The following TMEM132D variants were observed in gnomAD, a reference collection of about 807,000 sequenced individuals.
TMEM132D encodes the protein transmembrane protein 132D.
Under a neutral mutation model 62.3 loss-of-function variants are expected in TMEM132D, and 21 were observed. The ratio of observed to expected loss-of-function variants is 0.34; its 90% CI spans 0.24 to 0.49. The LOEUF (loss-of-function observed/expected upper bound fraction) is 0.49, where lower values mean the gene tolerates loss of function less well. TMEM132D is among the 20% of genes least tolerant of loss of function. TMEM132D has a pLI of 0.99. For missense variants in TMEM132D, 1,346 were observed against 1,402.8 expected, an observed-to-expected ratio of 0.96 and a Z score of 0.65; for synonymous variants, 621 against 575.6, an observed-to-expected ratio of 1.08 and a Z score of -1.13.
At chr12:129,137,700 C>A (rs940035496) in intron 5 of TMEM132D, among the ~76,000 whole-genome samples, 2 of 152,134 alleles carry the variant, frequency 1.3e-5, no homozygotes, top group African/African-American at 4.8e-5. Flanking sequence ...CTGCTTCATT[C>A]TTCATCCTTG....
intron 2 of TMEM132D, among the ~76,000 whole-genome samples, chr12:129,682,402 C>A (rs1451904): frequency 0.34 from 51,692 of 151,912 alleles, 9,167 homozygotes; most frequent in East Asian, 0.56. Flanking sequence ...GAAAGTGTCA[C>A]GACAGGTGCC....
chr12:129,420,873 G>A (rs1872299010), intron 3 of TMEM132D, among the ~76,000 whole-genome samples: 1 of 151,788 alleles, frequency 6.6e-6, no homozygotes, highest in Admixed American at 6.6e-5. Context: ...TAGGTATGGA[G>A]TTTGATGTGG....
At chr12:129,492,862 T>C (rs1184653475) in intron 3 of TMEM132D, among the ~76,000 whole-genome samples, 3 of 152,120 alleles carry the variant, frequency 2.0e-5, no homozygotes, top group Non-Finnish European at 4.4e-5. Flanking sequence ...GGGAGAGGCA[T>C]GTGATCCAAG....
At chr12:129,393,278 A>G (rs1255284175) in intron 3 of TMEM132D, among the ~76,000 whole-genome samples, 1 of 152,218 alleles carries the variant, frequency 6.6e-6, no homozygotes, top group Non-Finnish European at 1.5e-5. Context: ...CATTGGTTGA[A>G]TGAGTGAGTG....
intron 1 of TMEM132D, among the ~76,000 whole-genome samples, chr12:129,796,878 GATA>G (rs1256819406): frequency 2.0e-5 from 3 of 152,152 alleles, no homozygotes; most frequent in African/African-American, 7.2e-5. Flanking sequence ...TAAAGTCTAA[GATA>G]ATAAATAAAT....
chr12:129,768,667 TG>T (rs1467453288), intron 1 of TMEM132D, among the ~76,000 whole-genome samples: 2 of 152,192 alleles, frequency 1.3e-5, no homozygotes, highest in South Asian at 4.2e-4. Flanking sequence ...ACATGAAAGA[TG>T]GTAGAGGCGA....
chr12:129,141,015 A>G (rs952010915), intron 5 of TMEM132D, among the ~76,000 whole-genome samples: 1 of 152,178 alleles, frequency 6.6e-6, no homozygotes, highest in Non-Finnish European at 1.5e-5. Context: ...GAATAATATT[A>G]AAGGCCCTGC....
At chr12:129,706,557 C>G (rs1372211745) in intron 1 of TMEM132D, among the ~76,000 whole-genome samples, 3 of 151,780 alleles carry the variant, frequency 2.0e-5, no homozygotes. Context: ...TGTTACATAC[C>G]TCCTTTTCCG....
In TMEM132D at chr12:129,700,077, C is replaced by T. The variant is rs894525700; in HGVS notation, c.701G>A (p.Gly234Asp). 2 of 1,613,692 alleles carry T rather than the reference C, an allele frequency of 1.2e-6. No individual in the cohort carries two copies. Among genetic ancestry groups the T allele is most frequent in the Non-Finnish European group, 1.7e-6 (2 of 1,180,024 alleles). ...TTCCCTGACGCAGTCCCCTCTCTCA[C>T]CCCCTGGGTGCACGGTGTAGTAGAG... ...VELYYTVHPGGERGDCVREDA... is the reference protein window; with the variant it reads ...VELYYTVHPGDERGDCVREDA... Residue 234 changes from glycine (G) to aspartate (D), a missense_variant, in exon 2 of 9, where the codon GGT becomes GAT. By Grantham distance (94) the Gly-to-Asp change is moderately conservative. Transcript: ENST00000422113.
Position 129,159,194 on chromosome 12 carries a change from G to T in TMEM132D, c.1443+50326C>A, listed in dbSNP as rs1877328719. On this transcript the variant is annotated intron_variant, in intron 5 of 8. Transcript: ENST00000422113. ...GTTTTAACAGCAAGTATTTGGTTCTGTTACCCTGGGAAGTGGAGTTTTAAT... is the reference window on the plus strand; with the variant it reads ...GTTTTAACAGCAAGTATTTGGTTCTTTTACCCTGGGAAGTGGAGTTTTAAT... Among the ~76,000 whole-genome samples, 3 of 152,152 alleles carry T rather than the reference G, an allele frequency of 2.0e-5. No individual in the cohort carries two copies. The South Asian group carries it at 6.2e-4, about 32-fold the overall frequency.
chr12:129,236,136 A>T (rs80130447), intron 4 of TMEM132D, among the ~76,000 whole-genome samples: 1 of 78,386 alleles, frequency 1.3e-5, no homozygotes, highest in Non-Finnish European at 2.9e-5. Flanking sequence ...GTGTGTGTGT[A>T]TGTGTGTATG....
chr12:129,645,409 C>T (rs539153497), intron 2 of TMEM132D, among the ~76,000 whole-genome samples: 40 of 152,230 alleles, frequency 2.6e-4, no homozygotes, highest in African/African-American at 7.2e-4. Flanking sequence ...ACTTACTGTT[C>T]GCTTGAGTCT....
intron 1 of TMEM132D, among the ~76,000 whole-genome samples, chr12:129,748,736 T>C (rs575594818): frequency 2.0e-5 from 3 of 152,182 alleles, no homozygotes; most frequent in African/African-American, 7.2e-5. Context: ...GCTGCAGATA[T>C]GTGTGATTTG....
chr12:129,624,565 C>T (rs889533113), intron 2 of TMEM132D, among the ~76,000 whole-genome samples: 1 of 152,250 alleles, frequency 6.6e-6, no homozygotes, highest in Non-Finnish European at 1.5e-5. Context: ...CAGTGGCATC[C>T]AGTGAAGACT....
chr12:129,324,984 C>G (rs1344254539), intron 4 of TMEM132D, among the ~76,000 whole-genome samples: 1 of 152,190 alleles, frequency 6.6e-6, no homozygotes, highest in African/African-American at 2.4e-5. Context: ...CTTCCACACT[C>G]ATTACAATTT....
chr12:129,781,866 A>G (rs567925075), intron 1 of TMEM132D, among the ~76,000 whole-genome samples: 2 of 152,334 alleles, frequency 1.3e-5, no homozygotes, highest in East Asian at 3.9e-4. Context: ...AGAAAATATG[A>G]GAAAAGATCC....
At chr12:129,894,744 CTCTTT>C (rs886184152) in intron 1 of TMEM132D, among the ~76,000 whole-genome samples, 6 of 151,088 alleles carry the variant, frequency 4.0e-5, no homozygotes, top group African/African-American at 1.5e-4. Context: ...CTTGTAGTTT[CTCTTT>C]TTTTTTTCCT....
intron 3 of TMEM132D, among the ~76,000 whole-genome samples, chr12:129,440,016 T>C (rs1387894953): frequency 6.6e-6 from 1 of 152,144 alleles, no homozygotes. Context: ...TTTGCTCTCA[T>C]CCCAGAATGA....
rs144422892 is a variant in TMEM132D at position 129,434,441 on chromosome 12, C to T, written c.1115+96618G>A. Among the ~76,000 whole-genome samples, 259 of 152,178 alleles carry T rather than the reference C, an allele frequency of 1.7e-3. 1 individual carries two copies. The highest frequency in any genetic ancestry group is 6.0e-3 in the African/African-American group (251 of 41,512). ...GTATTTGAGAGTGCCAATAGTGATA[C>T]CCTCCTCATACGTTTGCTGTGACTA... On this transcript the variant is annotated intron_variant, in intron 3 of 8. Transcript: ENST00000422113.
Sources: allele counts gnomAD v4.1 joint callset (sites outside exome capture counted in the v4.1 genomes callset), GRCh38; gene constraint gnomAD v4.1.1; transcripts MANE v1.5; gene names NCBI Gene and HGNC (gene_info 2026-07-23, HGNC 2026-07-21).